The following FGD4 variants were observed in gnomAD, a reference collection of about 807,000 sequenced individuals.
FGD4 encodes the protein FYVE, RhoGEF and PH domain containing 4.
A neutral mutation model predicts 102.0 loss-of-function variants in FGD4; 42 were observed. The ratio of observed to expected loss-of-function variants is 0.41; its 90% CI spans 0.32 to 0.53. The LOEUF (loss-of-function observed/expected upper bound fraction) is 0.53, where lower values mean the gene tolerates loss of function less well. Ranked by LOEUF, FGD4 falls within the 20% of genes least tolerant of loss-of-function variation. FGD4 has a pLI of 0.21. For missense variants in FGD4, 902 were observed against 1,078.2 expected, an observed-to-expected ratio of 0.84 and a Z score of 2.29; for synonymous variants, 380 against 375.7, an observed-to-expected ratio of 1.01 and a Z score of -0.13.
intron 13 of FGD4, 78 bp from the exon 14 acceptor site, chr12:32,625,576 A>G (rs948343493): frequency 1.7e-5 from 26 of 1,516,830 alleles, no homozygotes; most frequent in African/African-American, 5.6e-5. Flanking sequence ...CAATGTAGTT[A>G]AAGTTCTTTC....
intron 1 of FGD4, among the ~76,000 whole-genome samples, chr12:32,417,955 C>CTTT (rs55826183): frequency 9.5e-6 from 1 of 105,168 alleles, no homozygotes; most frequent in Non-Finnish European, 1.8e-5. Context: ...TGTCTTAGTT[C>CTTT]TTTTTTTTTT....
chr12:32,600,686 T>G (rs775627313), intron 5 of FGD4, among the ~76,000 whole-genome samples: 17 of 151,772 alleles, frequency 1.1e-4, no homozygotes, highest in Non-Finnish European at 2.9e-5. Context: ...TATGCATTAT[T>G]ATTTACTAAA....
intron 5 of FGD4, 134 bp downstream of exon 5, chr12:32,598,720 A>G: frequency 1.4e-6 from 1 of 717,568 alleles, no homozygotes; most frequent in South Asian, 1.6e-5. Context: ...GCTCAAGGAA[A>G]TCTCCAGCAC....
chr12:32,460,432 G>A (rs75501438), intron 1 of FGD4, among the ~76,000 whole-genome samples: 5,758 of 151,680 alleles, frequency 0.038, 170 homozygotes, highest in South Asian at 0.12. Context: ...TGAGGTTGGA[G>A]GATACAAGGC....
At chr12:32,465,162 A>T (rs1171715944) in intron 1 of FGD4, among the ~76,000 whole-genome samples, 1 of 152,216 alleles carries the variant, frequency 6.6e-6, no homozygotes, top group Non-Finnish European at 1.5e-5. Flanking sequence ...GAAAATTCAC[A>T]TATAACTTTT....
chr12:32,577,057 A>G (rs1946183266), intron 3 of FGD4, among the ~76,000 whole-genome samples: 1 of 152,166 alleles, frequency 6.6e-6, no homozygotes, highest in South Asian at 2.1e-4. Flanking sequence ...AATATAATTT[A>G]TATTCTTTAG....
intron 1 of FGD4, among the ~76,000 whole-genome samples, chr12:32,520,445 T>G (rs576546092): frequency 6.1e-4 from 89 of 145,080 alleles, no homozygotes; most frequent in South Asian, 1.8e-3. Context: ...TTTTTGTTTT[T>G]TTTTTTTAGA....
intron 1 of FGD4, among the ~76,000 whole-genome samples, chr12:32,409,080 C>G (rs1941083394): frequency 6.6e-6 from 1 of 152,224 alleles, no homozygotes; most frequent in South Asian, 2.1e-4. Flanking sequence ...CCTGACTTTC[C>G]TTGGCAATTT....
At chr12:32,523,865 C>T (rs182640966) in intron 1 of FGD4, among the ~76,000 whole-genome samples, 2 of 152,118 alleles carry the variant, frequency 1.3e-5, no homozygotes, top group Non-Finnish European at 2.9e-5. Flanking sequence ...GTAGTCCCAG[C>T]TGTTCTGGAG....
At chr12:32,583,660 A>G (rs188028373) in intron 4 of FGD4, among the ~76,000 whole-genome samples, 267 of 152,348 alleles carry the variant, frequency 1.8e-3, no homozygotes, top group Middle Eastern at 3.4e-3. Flanking sequence ...CATATGCACA[A>G]TGTCAGCTAA....
In FGD4 at chr12:32,645,854, G is replaced by A. The variant is rs1013226199; in HGVS notation, c.*5321G>A. 6.6e-5 allele frequency: 10 copies of A among 152,334 alleles called. No homozygotes were observed. The highest frequency in any genetic ancestry group is 1.7e-4 in the African/African-American group (7 of 41,586). 9.4% of individuals were successfully genotyped at this position (152,334 alleles called of 1,614,324 possible). A position where few individuals can be genotyped will look rare whatever the true frequency, so the allele number is the denominator to read the frequency against. On this transcript the variant is annotated 3_prime_UTR_variant, in exon 17 of 17. Transcript: ENST00000534526. ...TTTTGGAATTTTACAGTTGACTCAAGTGTGAAAGTATACACAAGTAATTTT... is the reference window on the plus strand; with the variant it reads ...TTTTGGAATTTTACAGTTGACTCAAATGTGAAAGTATACACAAGTAATTTT...
At chr12:32,460,838 A>C (rs993987863) in intron 1 of FGD4, among the ~76,000 whole-genome samples, 1 of 152,246 alleles carries the variant, frequency 6.6e-6, no homozygotes, top group Non-Finnish European at 1.5e-5. Flanking sequence ...AGAAAAGTGT[A>C]ATAACCTGCC....
intron 1 of FGD4, among the ~76,000 whole-genome samples, chr12:32,465,930 C>T (rs1464939291): frequency 6.6e-6 from 1 of 152,090 alleles, no homozygotes; most frequent in African/African-American, 2.4e-5. Flanking sequence ...AGTCATACGC[C>T]ACCATGCGTG....
At chr12:32,432,283 A>G (rs1226647653) in intron 1 of FGD4, among the ~76,000 whole-genome samples, 1 of 150,718 alleles carries the variant, frequency 6.6e-6, no homozygotes, top group Non-Finnish European at 1.5e-5. Context: ...GATGGTCTTG[A>G]TCTCCTGACC....
chr12:32,509,315 A>G (rs1230814239), intron 1 of FGD4, among the ~76,000 whole-genome samples: 2 of 150,026 alleles, frequency 1.3e-5, no homozygotes, highest in South Asian at 4.2e-4. Flanking sequence ...CGTAACTACC[A>G]CAGTAGCAGC....
intron 4 of FGD4, among the ~76,000 whole-genome samples, chr12:32,593,557 C>G (rs1351031420): frequency 6.6e-6 from 1 of 152,214 alleles, no homozygotes; most frequent in Non-Finnish European, 1.5e-5. Flanking sequence ...AGGATATCCA[C>G]AATTGCCAAG....
intron 1 of FGD4, among the ~76,000 whole-genome samples, chr12:32,510,358 T>C (rs1453249163): frequency 6.6e-6 from 1 of 152,244 alleles, no homozygotes; most frequent in Non-Finnish European, 1.5e-5. Flanking sequence ...TATAATGTTG[T>C]ATATGCTGTA....
chr12:32,511,708 A>T (rs112018918), intron 1 of FGD4: 2 of 152,296 alleles, frequency 1.3e-5, no homozygotes, highest in African/African-American at 2.4e-5. Flanking sequence ...CTCACACATT[A>T]AAATTCTTTG....
chr12:32,526,051 A>G (rs1031487930), intron 1 of FGD4, among the ~76,000 whole-genome samples: 7 of 152,248 alleles, frequency 4.6e-5, no homozygotes, highest in Admixed American at 3.9e-4. Flanking sequence ...GGGCTGAGGA[A>G]TGCGAGCGCA....
Sources: gnomAD v4.1 joint callset for allele counts (sites outside exome capture counted in the v4.1 genomes callset) on GRCh38, gnomAD v4.1.1 for gene constraint, MANE v1.5 for transcripts, NCBI Gene and HGNC (gene_info 2026-07-23, HGNC 2026-07-21) for gene names.